PIGN: variants seen among roughly 807,000 people sequenced by gnomAD.
PIGN encodes the protein GPI ethanolamine phosphate transferase 1.
Under a neutral mutation model 125.4 loss-of-function variants are expected in PIGN, and 117 were observed. The observed-to-expected ratio is 0.93, with a 90% CI of 0.80 to 1.09. PIGN has a LOEUF of 1.09. Among genes scored for constraint, PIGN ranks in the 50% least tolerant of loss-of-function variants. The probability of loss-of-function intolerance (pLI) is 0.00; values close to 1 mark genes in which losing one functional copy is unlikely to be tolerated. For missense variants in PIGN, 1,075 were observed against 1,094.9 expected, an observed-to-expected ratio of 0.98 and a Z score of 0.26; for synonymous variants, 392 against 377.8, an observed-to-expected ratio of 1.04 and a Z score of -0.44.
chr18:62,141,896 T>C (rs2036149907), intron 11 of PIGN, among the ~76,000 whole-genome samples: 1 of 152,164 alleles, frequency 6.6e-6, no homozygotes, highest in African/African-American at 2.4e-5. Flanking sequence ...ATGTACCCTC[T>C]CACCAGAACT....
intron 25 of PIGN, chr18:62,088,383 A>G (rs1461841418): frequency 6.3e-6 from 1 of 158,096 alleles, no homozygotes; most frequent in Non-Finnish European, 1.4e-5. Context: ...ATGCACATAA[A>G]AAGATATGAA....
intron 23 of PIGN, among the ~76,000 whole-genome samples, chr18:62,034,595 G>A (rs1029189713): frequency 2.0e-5 from 3 of 152,244 alleles, no homozygotes; most frequent in African/African-American, 4.8e-5. Flanking sequence ...GAGACATGGA[G>A]TCAAAGGAGA....
chr18:62,105,748 G>A (rs2034615016), intron 19 of PIGN, 114 bp from the exon 20 acceptor site: 5 of 525,436 alleles, frequency 9.5e-6, no homozygotes, highest in Admixed American at 3.5e-5. Flanking sequence ...CCTTACAGCT[G>A]TTTATTATTT....
chr18:62,092,313 T>C (rs934186198), intron 23 of PIGN, among the ~76,000 whole-genome samples: 4 of 152,054 alleles, frequency 2.6e-5, no homozygotes, highest in African/African-American at 9.7e-5. Flanking sequence ...TATGATGAAA[T>C]AGTACCCCTC....
intron 23 of PIGN, among the ~76,000 whole-genome samples, chr18:62,025,910 T>G (rs2030112754): frequency 6.6e-6 from 1 of 152,204 alleles, no homozygotes; most frequent in Non-Finnish European, 1.5e-5. Flanking sequence ...TTACTTAGAT[T>G]GTTGCTACCC....
intron 14 of PIGN, chr18:62,135,619 CT>C (rs72454339): frequency 0.6 from 40,651 of 67,712 alleles, 10,603 homozygotes; most frequent in East Asian, 0.72. Flanking sequence ...TTTTCTTTGT[CT>C]TTTTTTTTTT....
At chr18:62,145,574 T>C (rs1309195367) in intron 10 of PIGN, among the ~76,000 whole-genome samples, 1 of 152,236 alleles carries the variant, frequency 6.6e-6, no homozygotes, top group Non-Finnish European at 1.5e-5. Context: ...TTTACCTCTA[T>C]GAAACCTTAA....
At chr18:62,037,590 T>C (rs1045546534), downstream of PIGN, among the ~76,000 whole-genome samples, 2 of 152,210 alleles carry the variant, frequency 1.3e-5, no homozygotes, top group African/African-American at 4.8e-5. Flanking sequence ...GGGCAGCGGG[T>C]CCATGCTCTG....
intron 1 of PIGN, among the ~76,000 whole-genome samples, chr18:62,165,262 G>T (rs908334158): frequency 2.0e-5 from 3 of 152,144 alleles, no homozygotes; most frequent in African/African-American, 4.8e-5. Context: ...TTATAACAAA[G>T]CACAGAAGCC....
intron 1 of PIGN, among the ~76,000 whole-genome samples, chr18:62,181,091 C>T (rs1242031474): frequency 6.6e-6 from 1 of 152,104 alleles, no homozygotes; most frequent in Non-Finnish European, 1.5e-5. Flanking sequence ...AGTACTGCTA[C>T]TAGTGTAGAA....
chr18:62,132,154 T>C (rs2035763627), intron 14 of PIGN, among the ~76,000 whole-genome samples: 3 of 152,320 alleles, frequency 2.0e-5, no homozygotes, highest in South Asian at 2.1e-4. Context: ...TTACTTGATA[T>C]AGTTTCTAAG....
chr18:62,019,653 A>G (rs917556416), intron 23 of PIGN, among the ~76,000 whole-genome samples: 3 of 152,124 alleles, frequency 2.0e-5, no homozygotes, highest in Admixed American at 6.5e-5. Context: ...TTTCATTTCA[A>G]TCATTATTTG....
intron 30 of PIGN, among the ~76,000 whole-genome samples, chr18:62,067,707 T>C (rs1458502393): frequency 6.6e-6 from 1 of 152,260 alleles, no homozygotes; most frequent in East Asian, 1.9e-4. Context: ...TAGCACAATT[T>C]GTTTACCCAT....
At chr18:62,095,504 A>G (rs2034142162) in intron 23 of PIGN, among the ~76,000 whole-genome samples, 1 of 152,224 alleles carries the variant, frequency 6.6e-6, no homozygotes, top group Admixed American at 6.5e-5. Flanking sequence ...TCAAAGCATA[A>G]TTTAAAATCA....
rs78133137 is a variant in PIGN, at chr18:62,074,211, T to C, written c.2619+568A>G. On this transcript the variant is annotated intron_variant, in intron 29 of 30. Transcript: ENST00000640252. ...ACTGAATATAACAGCATTCAGTGAT[T>C]TCAGTGAATTCTAGTGAATTACTAA... Among the ~76,000 whole-genome samples, 306 of 152,340 alleles carry C rather than the reference T, an allele frequency of 2.0e-3. 5 individuals carry two copies. Among genetic ancestry groups the C allele is most frequent in the African/African-American group, 7.1e-3 (297 of 41,586 alleles).
At chr18:62,096,981 G>T (rs998602236) in intron 22 of PIGN, among the ~76,000 whole-genome samples, 1 of 151,532 alleles carries the variant, frequency 6.6e-6, no homozygotes, top group Non-Finnish European at 1.5e-5. Context: ...GAATAGTGCC[G>T]CAATAAACAT....
intron 28 of PIGN, chr18:62,075,578 A>C (rs2033129233): frequency 6.6e-6 from 1 of 152,196 alleles, no homozygotes; most frequent in South Asian, 2.1e-4. Flanking sequence ...TGGTTTACTT[A>C]ACCATTCAAG....
At chr18:62,121,725 AT>A (rs1287175998) in intron 14 of PIGN, among the ~76,000 whole-genome samples, 1 of 152,124 alleles carries the variant, frequency 6.6e-6, no homozygotes, top group African/African-American at 2.4e-5. Flanking sequence ...AATGAATAAC[AT>A]TGCATCATGT....
At chr18:62,068,975 T>C (rs1283802099) in intron 30 of PIGN, among the ~76,000 whole-genome samples, 1 of 152,190 alleles carries the variant, frequency 6.6e-6, no homozygotes, top group Non-Finnish European at 1.5e-5. Flanking sequence ...TTTCTCACAC[T>C]GCACCATATG....
Sources: gnomAD v4.1 joint callset for allele counts (sites outside exome capture counted in the v4.1 genomes callset) on GRCh38, gnomAD v4.1.1 for gene constraint, MANE v1.5 for transcripts, NCBI Gene and HGNC (gene_info 2026-07-23, HGNC 2026-07-21) for gene names.